DACH1: variants seen among roughly 807,000 people sequenced by gnomAD.
DACH1 encodes the protein dachshund family transcription factor 1, also known as dachshund homolog 1.
Under a neutral mutation model 54.2 loss-of-function variants are expected in DACH1, and 12 were observed. That is an observed-to-expected ratio of 0.22 (90% CI 0.14 to 0.36). DACH1 has a LOEUF of 0.36. Ranked by LOEUF, DACH1 falls within the 10% of genes least tolerant of loss-of-function variation. DACH1 has a pLI of 1.00. For missense variants in DACH1, 805 were observed against 929.8 expected, an observed-to-expected ratio of 0.87 and a Z score of 1.75; for synonymous variants, 386 against 366.2, an observed-to-expected ratio of 1.05 and a Z score of -0.62.
At chr13:71,793,070 TAA>T (rs1330307814) in intron 1 of DACH1, among the ~76,000 whole-genome samples, 1 of 152,088 alleles carries the variant, frequency 6.6e-6, no homozygotes, top group Non-Finnish European at 1.5e-5. Flanking sequence ...TCAAACATAT[TAA>T]GAAAAATACA....
intron 6 of DACH1, among the ~76,000 whole-genome samples, chr13:71,495,545 G>GTTGT (rs1879336824): frequency 6.6e-6 from 1 of 152,068 alleles, no homozygotes; most frequent in African/African-American, 2.4e-5. Flanking sequence ...ATAAAACACA[G>GTTGT]TTGTTTAAAC....
chr13:71,791,733 G>C lies in DACH1; in HGVS notation c.848+74189C>G, dbSNP rs529884231. ...TACTAACCTTCCAAGTGAATTCACA[G>C]TTAAATGGGATTATAATATTTTGAT... On this transcript the variant is annotated intron_variant, in intron 1 of 10. Coordinates refer to ENST00000613252, the MANE Select transcript of DACH1 (RefSeq NM_080759.6). Among the ~76,000 whole-genome samples, 8 of 152,290 alleles carry C rather than the reference G, an allele frequency of 5.3e-5. No individual in the cohort carries two copies. The South Asian group carries it at 1.0e-3, about 20-fold the overall frequency.
rs369719780 is a variant in DACH1, at chr13:71,548,104, T to C, written c.1570+8920A>G. Reference sequence around the variant, plus strand: ...TTAGGCAAAATTGAAAATATGTTTTTAAGTGGCAACACTTTCTCTTTTTAA... The same window carrying C: ...TTAGGCAAAATTGAAAATATGTTTTCAAGTGGCAACACTTTCTCTTTTTAA... On this transcript the variant is annotated intron_variant, in intron 6 of 10. Coordinates refer to ENST00000613252, the MANE Select transcript of DACH1 (RefSeq NM_080759.6). Among the ~76,000 whole-genome samples the C allele has an allele frequency of 2.5e-4, 38 of 152,338 alleles. 1 individual carries two copies. In the East Asian group the frequency reaches 6.9e-3, roughly 28 times the overall value.
At chr13:71,602,267 TATAAA>T (rs1566371037) in intron 3 of DACH1, among the ~76,000 whole-genome samples, 1 of 152,060 alleles carries the variant, frequency 6.6e-6, no homozygotes, top group African/African-American at 2.4e-5. Context: ...TCTAAGTAAA[TATAAA>T]ATAAACTGCA....
intron 1 of DACH1, among the ~76,000 whole-genome samples, chr13:71,769,125 AGAATAGCAACTT>A (rs1400586303): frequency 2.0e-5 from 3 of 151,866 alleles, no homozygotes; most frequent in Non-Finnish European, 1.5e-5. Context: ...CAGTTAAGAT[AGAATAGCAACTT>A]GAGCCAGATG....
At chr13:71,748,829 T>TA (rs1475685234) in intron 1 of DACH1, among the ~76,000 whole-genome samples, 2 of 151,948 alleles carry the variant, frequency 1.3e-5, no homozygotes, top group Admixed American at 6.6e-5. Flanking sequence ...ACCTGAAATA[T>TA]AAAAAATATT....
intron 8 of DACH1, among the ~76,000 whole-genome samples, chr13:71,478,058 A>G (rs1212327354): frequency 1.3e-5 from 2 of 152,308 alleles, no homozygotes; most frequent in East Asian, 1.9e-4. Flanking sequence ...CCTGCTTTTA[A>G]GTTCTGTAAA....
chr13:71,841,026 A>G (rs1350837406), intron 1 of DACH1, among the ~76,000 whole-genome samples: 1 of 152,178 alleles, frequency 6.6e-6, no homozygotes, highest in Admixed American at 6.6e-5. Context: ...AAGAAGCCTA[A>G]ATAGGGTAAC....
At chr13:71,698,759 C>T (rs959401948) in intron 1 of DACH1, among the ~76,000 whole-genome samples, 2 of 151,986 alleles carry the variant, frequency 1.3e-5, no homozygotes, top group African/African-American at 2.4e-5. Context: ...TCAGTATTTT[C>T]CTCTTGTGGA....
rs568317690 is a variant in DACH1 at position 71,476,225 on chromosome 13, T to G, written c.1871-376A>C. Among the ~76,000 whole-genome samples, 3 of 152,296 alleles carry G rather than the reference T, an allele frequency of 2.0e-5. No individual in the cohort carries two copies. In the South Asian group the frequency reaches 6.2e-4, roughly 32 times the overall value. On this transcript the variant is annotated intron_variant, in intron 8 of 10. Transcript: ENST00000613252. ...TCACAATAGTGCAGAGTCATTTGGA[T>G]AGTGCAAACGCTTATAAGCATGCCT...
chr13:71,740,204 C>T (rs1330256750), intron 1 of DACH1, among the ~76,000 whole-genome samples: 1 of 152,100 alleles, frequency 6.6e-6, no homozygotes, highest in Non-Finnish European at 1.5e-5. Context: ...AGCTAAATCG[C>T]ACATCTGGCA....
intron 1 of DACH1, among the ~76,000 whole-genome samples, chr13:71,859,123 A>AGTCAC (rs1453015374): frequency 6.6e-6 from 1 of 151,830 alleles, no homozygotes; most frequent in Non-Finnish European, 1.5e-5. Flanking sequence ...CTTCCAATCA[A>AGTCAC]GTCACATACA....
At chr13:71,550,345 AG>A (rs2138355101) in intron 6 of DACH1, among the ~76,000 whole-genome samples, 1 of 152,258 alleles carries the variant, frequency 6.6e-6, no homozygotes, top group Non-Finnish European at 1.5e-5. Flanking sequence ...TATACAAAGA[AG>A]GTGAGAAGAC....
intron 3 of DACH1, among the ~76,000 whole-genome samples, chr13:71,627,621 T>A (rs1187001238): frequency 6.6e-6 from 1 of 152,080 alleles, no homozygotes; most frequent in Non-Finnish European, 1.5e-5. Context: ...TCCTAACCAC[T>A]TCATGGTAAT....
At chr13:71,490,772 A>G (rs1479216584) in intron 6 of DACH1, among the ~76,000 whole-genome samples, 2 of 152,196 alleles carry the variant, frequency 1.3e-5, no homozygotes, top group Non-Finnish European at 2.9e-5. Context: ...AGCTCTGGAA[A>G]GGCACTTGTT....
intron 1 of DACH1, among the ~76,000 whole-genome samples, chr13:71,718,854 T>C (rs150660282): frequency 6.6e-6 from 1 of 152,190 alleles, no homozygotes; most frequent in African/African-American, 2.4e-5. Flanking sequence ...CATATTTCCT[T>C]AGGATCTTAT....
intron 1 of DACH1, among the ~76,000 whole-genome samples, chr13:71,784,558 CTATCACTT>C: frequency 6.6e-6 from 1 of 152,202 alleles, no homozygotes; most frequent in Middle Eastern, 3.4e-3. Context: ...TGGGGCTTAT[CTATCACTT>C]TTTACTCCTC....
intron 6 of DACH1, among the ~76,000 whole-genome samples, chr13:71,524,611 T>C (rs992207419): frequency 6.6e-6 from 1 of 152,142 alleles, no homozygotes; most frequent in Admixed American, 6.6e-5. Context: ...TTGTAGACTA[T>C]GACATTAAAA....
chr13:71,697,652 A>T (rs1392868418), intron 1 of DACH1, among the ~76,000 whole-genome samples: 1 of 152,234 alleles, frequency 6.6e-6, no homozygotes, highest in Non-Finnish European at 1.5e-5. Context: ...TACTTTTACA[A>T]TGAAGTGTCA....
Sources: allele counts gnomAD v4.1 joint callset (sites outside exome capture counted in the v4.1 genomes callset), GRCh38; gene constraint gnomAD v4.1.1; transcripts MANE v1.5; gene names NCBI Gene and HGNC (gene_info 2026-07-23, HGNC 2026-07-21).